IL1RAPL1: variants seen among roughly 807,000 people sequenced by gnomAD.
IL1RAPL1 encodes interleukin-1 receptor accessory protein-like 1.
A neutral mutation model predicts 48.4 loss-of-function variants in IL1RAPL1; 3 were observed. That is an observed-to-expected ratio of 0.06 (90% CI 0.03 to 0.16). The LOEUF (loss-of-function observed/expected upper bound fraction) is 0.16. Ranked by LOEUF, IL1RAPL1 falls within the 10% of genes least tolerant of loss-of-function variation. The pLI, the probability that IL1RAPL1 is intolerant of heterozygous loss-of-function variation, is 1.00. For synonymous variants in IL1RAPL1, 185 were observed against 187.7 expected (o/e 0.99, Z 0.12); for missense variants, 349 against 530.6 (o/e 0.66, Z 3.36).
chrX:29,323,713 TTATATATATATA>T (rs1172683563), intron 3 of IL1RAPL1, among the ~76,000 whole-genome samples: 2 of 10,946 alleles, frequency 1.8e-4, no homozygotes, highest in Non-Finnish European at 3.3e-4. Context: ...ACTGAATTTT[TTATATATATATA>T]TATATATATA....
intron 6 of IL1RAPL1, among the ~76,000 whole-genome samples, chrX:29,832,604 G>T (rs1000549531): frequency 1.8e-5 from 2 of 111,013 alleles, no homozygotes; most frequent in Non-Finnish European, 3.8e-5. Context: ...TGACTGGCTA[G>T]TAAAAGGGAA....
intron 3 of IL1RAPL1, among the ~76,000 whole-genome samples, chrX:29,359,008 G>A (rs1165063761): frequency 1.8e-5 from 2 of 108,692 alleles, no homozygotes; most frequent in Non-Finnish European, 3.8e-5. Context: ...GGGCAACAGA[G>A]TGAGACTCCA....
intron 2 of IL1RAPL1, among the ~76,000 whole-genome samples, chrX:29,262,621 C>G (rs1441042732): frequency 9.2e-6 from 1 of 108,714 alleles, no homozygotes; most frequent in Non-Finnish European, 1.9e-5. Context: ...TGAGATCGCG[C>G]CACTGAACTC....
chrX:29,617,594 C>T (rs1030935858), intron 5 of IL1RAPL1, among the ~76,000 whole-genome samples: 8 of 111,726 alleles, frequency 7.2e-5, no homozygotes, highest in African/African-American at 1.6e-4. Flanking sequence ...ATTGAAAAGC[C>T]GGCAACGAAA....
chrX:29,495,332 C>G (rs991238153), intron 5 of IL1RAPL1, among the ~76,000 whole-genome samples: 1 of 111,709 alleles, frequency 9.0e-6, no homozygotes, highest in African/African-American at 3.3e-5. Context: ...ACAAATAAAA[C>G]TAAGTTTATT....
At chrX:28,684,539 G>T (rs2146921718) in intron 1 of IL1RAPL1, among the ~76,000 whole-genome samples, 1 of 112,052 alleles carries the variant, frequency 8.9e-6, no homozygotes, top group South Asian at 3.7e-4. Context: ...AAACTAACTT[G>T]AATTCCTATA....
chrX:29,141,957 A>G (rs997418714), intron 2 of IL1RAPL1, among the ~76,000 whole-genome samples: 1 of 66,622 alleles, frequency 1.5e-5, no homozygotes, highest in Non-Finnish European at 2.6e-5. Context: ...AGAATATTGT[A>G]GTAATATTTG....
rs546573708 is a variant in IL1RAPL1, at chrX:29,635,809, C to A, written c.704-32621C>A. 3.8e-3 allele frequency among the ~76,000 whole-genome samples: 404 copies of A among 105,724 alleles called. 1 individual carries two copies. The highest frequency in any genetic ancestry group is 5.9e-3 in the Non-Finnish European group (305 of 51,358). 91.8% of individuals were successfully genotyped at this position (105,724 alleles called of 115,157 possible). ...GGATGCTTCCGGAAAAAAAAAAAAA[C>A]CCAAAAACTAAAGATCTCTAAACAA... is the stretch of plus-strand genomic sequence containing the variant. On this transcript the variant is annotated intron_variant, in intron 5 of 10. Transcript: ENST00000378993.
chrX:29,066,791 T>G (rs1927459635), intron 2 of IL1RAPL1, among the ~76,000 whole-genome samples: 1 of 111,983 alleles, frequency 8.9e-6, no homozygotes, highest in Non-Finnish European at 1.9e-5. Context: ...TTCTCTCAAA[T>G]GCACTCACTA....
At position 29,144,361 on chromosome X, in the gene IL1RAPL1, G is replaced by A. The variant is rs183659648; in HGVS notation, c.83-138577G>A. On this transcript the variant is annotated intron_variant, in intron 2 of 10. Coordinates refer to ENST00000378993, the MANE Select transcript of IL1RAPL1 (RefSeq NM_014271.4). ...CTCACACTTGTAATCCCAGCACTTT[G>A]GGAGGCCGAGGCAGGTGGATCACCT... Among the ~76,000 whole-genome samples, 1,040 of 109,896 alleles carry A rather than the reference G, an allele frequency of 9.5e-3. 8 individuals are homozygous for A. Among genetic ancestry groups the A allele is most frequent in the Non-Finnish European group, 0.015 (793 of 52,690 alleles).
chrX:29,480,047 CTT>C (rs1263120233), intron 5 of IL1RAPL1, among the ~76,000 whole-genome samples: 1 of 108,138 alleles, frequency 9.2e-6, no homozygotes, highest in South Asian at 4.0e-4. Flanking sequence ...TTACCCCTCT[CTT>C]GTTTGGCTTC....
intron 3 of IL1RAPL1, among the ~76,000 whole-genome samples, chrX:29,325,274 CTA>C (rs1234260133): frequency 8.9e-6 from 1 of 112,137 alleles, no homozygotes; most frequent in Non-Finnish European, 1.9e-5. Flanking sequence ...ATAGTAAGCA[CTA>C]TATATGTTTT....
intron 5 of IL1RAPL1, among the ~76,000 whole-genome samples, chrX:29,527,814 T>C (rs1224111801): frequency 4.5e-5 from 5 of 111,956 alleles, no homozygotes; most frequent in African/African-American, 1.3e-4. Context: ...TTTTAAAAAT[T>C]AAGTGGGAAC....
At position 29,476,730 on chromosome X, in the gene IL1RAPL1, C is replaced by T. The variant is rs927281958; in HGVS notation, c.703+77422C>T. Among the ~76,000 whole-genome samples, 12 of 109,814 alleles carry T rather than the reference C, an allele frequency of 1.1e-4. No homozygotes were observed. In the East Asian group the frequency reaches 2.0e-3, roughly 18 times the overall value. The stretch of plus-strand genomic sequence containing the variant: ...TTAAACTGCATCCCTGAACTTAACA[C>T]GTTACCTGAAACATAGCAGGCACTC... On this transcript the variant is annotated intron_variant, in intron 5 of 10. Coordinates refer to ENST00000378993, the MANE Select transcript of IL1RAPL1 (RefSeq NM_014271.4).
intron 6 of IL1RAPL1, among the ~76,000 whole-genome samples, chrX:29,906,368 A>T (rs1932620483): frequency 1.0e-5 from 1 of 98,195 alleles, no homozygotes; most frequent in African/African-American, 3.7e-5. Context: ...AAAAAAACAT[A>T]AAAAAGCAGG....
chrX:29,615,078 T>A (rs1174549606), intron 5 of IL1RAPL1, among the ~76,000 whole-genome samples: 1 of 112,201 alleles, frequency 8.9e-6, no homozygotes, highest in Non-Finnish European at 1.9e-5. Context: ...CTCTACTAAA[T>A]TAATCACTAC....
intron 2 of IL1RAPL1, among the ~76,000 whole-genome samples, chrX:28,897,419 G>A (rs890882515): frequency 5.8e-4 from 65 of 111,797 alleles, no homozygotes; most frequent in African/African-American, 1.6e-3. Context: ...GATAAAACGC[G>A]TCTCCTGTCT....
chrX:29,509,426 A>G (rs1171606360), intron 5 of IL1RAPL1, among the ~76,000 whole-genome samples: 2 of 112,560 alleles, frequency 1.8e-5, no homozygotes, highest in Non-Finnish European at 3.8e-5. Context: ...GCCTAGCCAC[A>G]TTGGCATGTA....
rs560280859 is a variant in IL1RAPL1, at chrX:28,784,979, T to G, written c.-24-4341T>G. Among the ~76,000 whole-genome samples the G allele has an allele frequency of 1.2e-4, 13 of 112,132 alleles. No homozygotes were observed. In the South Asian group the frequency reaches 2.2e-3, roughly 19 times the overall value. The stretch of plus-strand genomic sequence containing the variant: ...CACATCCACATTCAAAACACATTGT[T>G]GCTTGTTTTGAATGTTGTTTTTGAA... On this transcript the variant is annotated intron_variant, in intron 1 of 10. Transcript: ENST00000378993.
Sources: gnomAD v4.1 joint callset for allele counts (sites outside exome capture counted in the v4.1 genomes callset) on GRCh38, gnomAD v4.1.1 for gene constraint, MANE v1.5 for transcripts, NCBI Gene and HGNC (gene_info 2026-07-23, HGNC 2026-07-21) for gene names.